The following ANKS1B variants were observed in gnomAD, a reference collection of about 807,000 sequenced individuals.
ANKS1B encodes ankyrin repeat and sterile alpha motif domain-containing protein 1B.
ANKS1B carries 36 observed loss-of-function variants against 148.3 expected under a neutral mutation model. The observed-to-expected ratio is 0.24, with a 90% CI of 0.19 to 0.32. The LOEUF (loss-of-function observed/expected upper bound fraction) is 0.32. ANKS1B is among the 10% of genes least tolerant of loss of function. ANKS1B has a pLI of 1.00. For synonymous variants in ANKS1B, 542 were observed against 560.8 expected, an observed-to-expected ratio of 0.97 and a Z score of 0.47; for missense variants, 1,157 against 1,542.6, an observed-to-expected ratio of 0.75 and a Z score of 4.19.
intron 17 of ANKS1B, among the ~76,000 whole-genome samples, chr12:98,924,127 C>T (rs1306384230): frequency 6.6e-6 from 1 of 152,166 alleles, no homozygotes; most frequent in African/African-American, 2.4e-5. Context: ...AAGGAGGTGG[C>T]AGAGGTCTGA....
chr12:99,333,524 G>C (rs1228878598), intron 12 of ANKS1B, among the ~76,000 whole-genome samples: 1 of 149,096 alleles, frequency 6.7e-6, no homozygotes, highest in Non-Finnish European at 1.5e-5. Flanking sequence ...ACGTTCTTTG[G>C]GTCACCAAGG....
At chr12:99,696,092 TAA>T (rs1397556862) in intron 8 of ANKS1B, among the ~76,000 whole-genome samples, 3 of 152,010 alleles carry the variant, frequency 2.0e-5, no homozygotes, top group Admixed American at 1.3e-4. Flanking sequence ...GAATCTAAAA[TAA>T]AAGTTGAAAT....
intron 26 of ANKS1B, among the ~76,000 whole-genome samples, chr12:98,746,880 A>G (rs956003153): frequency 6.6e-6 from 1 of 152,246 alleles, no homozygotes; most frequent in Non-Finnish European, 1.5e-5. Context: ...ACAGAATGAA[A>G]CACAGCCTCA....
In ANKS1B at chr12:99,650,805, T is replaced by C. The variant is rs190739729; in HGVS notation, c.1272+4262A>G. On this transcript the variant is annotated intron_variant, in intron 9 of 26. Coordinates refer to ENST00000683438, the MANE Select transcript of ANKS1B (RefSeq NM_001352186.2). Reference sequence around the variant, plus strand: ...GGACAAAAACTGGAAATTAGATCATTTTAGAATTGTAAGATCCACATCCAT... The same window carrying C: ...GGACAAAAACTGGAAATTAGATCATCTTAGAATTGTAAGATCCACATCCAT... Among the ~76,000 whole-genome samples the C allele has an allele frequency of 8.2e-4, 125 of 152,258 alleles. 1 individual carries two copies. Among genetic ancestry groups the C allele is most frequent in the East Asian group, 3.7e-3 (19 of 5,182 alleles).
At chr12:98,848,418 A>G (rs2099495715) in intron 17 of ANKS1B, among the ~76,000 whole-genome samples, 1 of 152,166 alleles carries the variant, frequency 6.6e-6, no homozygotes, top group Non-Finnish European at 1.5e-5. Context: ...CTTGATATCC[A>G]TGAAATGTGT....
intron 15 of ANKS1B, among the ~76,000 whole-genome samples, chr12:99,151,333 G>A (rs1364578916): frequency 1.3e-5 from 2 of 152,058 alleles, no homozygotes; most frequent in Non-Finnish European, 1.5e-5. Context: ...TTCTAGACCA[G>A]CCTGGTCGAC....
chr12:98,802,252 A>C (rs946416901), intron 20 of ANKS1B, among the ~76,000 whole-genome samples: 1 of 152,212 alleles, frequency 6.6e-6, no homozygotes, highest in Admixed American at 6.5e-5. Context: ...TGGTTAGAGA[A>C]CAAGTTCCAC....
chr12:99,931,476 T>G (rs1007315813), intron 1 of ANKS1B, among the ~76,000 whole-genome samples: 2 of 152,326 alleles, frequency 1.3e-5, no homozygotes, highest in South Asian at 4.1e-4. Flanking sequence ...CTTGTAATTA[T>G]GAAACTTTGA....
chr12:99,780,109 A>ACACACACATACACACACACATGCG, intron 5 of ANKS1B, 137 bp from the exon 6 acceptor site: 1 of 622,710 alleles, frequency 1.6e-6, no homozygotes, highest in Non-Finnish European at 2.8e-6. Flanking sequence ...TAAGTTCTAC[A>ACACACACATACACACACACATGCG]CACACACATA....
intron 9 of ANKS1B, among the ~76,000 whole-genome samples, chr12:99,647,001 T>C (rs1311720308): frequency 6.7e-6 from 1 of 149,772 alleles, no homozygotes; most frequent in Non-Finnish European, 1.5e-5. Flanking sequence ...AAAAAAAAAA[T>C]ACATTGCCAA....
chr12:99,311,015 A>G (rs2083071351), intron 12 of ANKS1B, among the ~76,000 whole-genome samples: 2 of 152,174 alleles, frequency 1.3e-5, no homozygotes, highest in Admixed American at 6.6e-5. Flanking sequence ...GCTATTACAT[A>G]TAAGACACTT....
chr12:99,481,907 AG>A (rs1423917999), intron 10 of ANKS1B, among the ~76,000 whole-genome samples: 1 of 151,744 alleles, frequency 6.6e-6, no homozygotes, highest in Non-Finnish European at 1.5e-5. Context: ...TTCTGATTTG[AG>A]TTCCTTGTAG....
At chr12:99,176,637 T>C (rs1201722130) in intron 14 of ANKS1B, among the ~76,000 whole-genome samples, 1 of 152,174 alleles carries the variant, frequency 6.6e-6, no homozygotes, top group Non-Finnish European at 1.5e-5. Context: ...GTTTGGATCA[T>C]GGGGGCAGAT....
At chr12:98,768,517 A>G (rs975859141) in intron 25 of ANKS1B, among the ~76,000 whole-genome samples, 4 of 150,624 alleles carry the variant, frequency 2.7e-5, no homozygotes, top group Admixed American at 2.0e-4. Flanking sequence ...GGCGGATCAC[A>G]AGGTCGGGAG....
Position 99,410,300 on chromosome 12 carries a change from T to A in ANKS1B, c.1576-10489A>T, listed in dbSNP as rs1269660635. Among the ~76,000 whole-genome samples the A allele has an allele frequency of 2.0e-5, 3 of 151,990 alleles. No homozygotes were observed. The East Asian group carries it at 5.8e-4, about 29-fold the overall frequency. Reference sequence around the variant, plus strand: ...AGTGTAGTAGTTGTAACGTAGACCTTATGAACGAAGACTTAACTATTTTAC... The same window carrying A: ...AGTGTAGTAGTTGTAACGTAGACCTAATGAACGAAGACTTAACTATTTTAC... On this transcript the variant is annotated intron_variant, in intron 11 of 26. Transcript: ENST00000683438.
chr12:99,892,330 G>C (rs1364692886), intron 1 of ANKS1B, among the ~76,000 whole-genome samples: 1 of 152,042 alleles, frequency 6.6e-6, no homozygotes, highest in African/African-American at 2.4e-5. Context: ...AATAAAAGCT[G>C]ACACACCGAA....
intron 12 of ANKS1B, among the ~76,000 whole-genome samples, chr12:99,283,686 T>A (rs2078760151): frequency 6.6e-6 from 1 of 152,210 alleles, no homozygotes; most frequent in Non-Finnish European, 1.5e-5. Flanking sequence ...TAAAACCTAT[T>A]GTTGTAGCTA....
At chr12:99,923,910 T>G (rs1379234531) in intron 1 of ANKS1B, among the ~76,000 whole-genome samples, 1 of 152,188 alleles carries the variant, frequency 6.6e-6, no homozygotes, top group Non-Finnish European at 1.5e-5. Flanking sequence ...TTCATGCTGG[T>G]ACAAGGTTGA....
At chr12:98,902,751 C>T (rs532152645) in intron 17 of ANKS1B, among the ~76,000 whole-genome samples, 1 of 152,208 alleles carries the variant, frequency 6.6e-6, no homozygotes, top group Non-Finnish European at 1.5e-5. Context: ...TAAGTACACT[C>T]ATATAAAAAT....
Sources: gnomAD v4.1 joint callset for allele counts (sites outside exome capture counted in the v4.1 genomes callset) on GRCh38, gnomAD v4.1.1 for gene constraint, MANE v1.5 for transcripts, NCBI Gene and HGNC (gene_info 2026-07-23, HGNC 2026-07-21) for gene names.